TLX1: variants seen among roughly 807,000 people sequenced by gnomAD.
TLX1 encodes T-cell leukemia homeobox protein 1.
Under a neutral mutation model 26.5 loss-of-function variants are expected in TLX1, and 6 were observed. The ratio of observed to expected loss-of-function variants is 0.23; its 90% CI spans 0.12 to 0.45. TLX1 has a LOEUF of 0.45. Ranked by LOEUF, TLX1 falls within the 20% of genes least tolerant of loss-of-function variation. The probability of loss-of-function intolerance (pLI) is 0.99; values close to 1 mark genes in which losing one functional copy is unlikely to be tolerated. For synonymous variants in TLX1, 217 were observed against 219.7 expected, an observed-to-expected ratio of 0.99 and a Z score of 0.11; for missense variants, 418 against 482.6, an observed-to-expected ratio of 0.87 and a Z score of 1.25.
chr10:101,135,166 TCTGGCACGCTGCACCC>T, intron 2 of TLX1, among the ~76,000 whole-genome samples: 1 of 15,912 alleles, frequency 6.3e-5, no homozygotes, highest in South Asian at 3.0e-3. Flanking sequence ...GGCTGCACCC[TCTGGCACGCTGCACCC>T]TCTGGCACGC....
In TLX1 at chr10:101,137,016, G is replaced by A; in HGVS notation, c.*103G>A. ...CCTCCTGGCCTCAGACTGCACCCAG[G>A]AGGGGAACACTGCCCTCGCACGGCC... On this transcript the variant is annotated 3_prime_UTR_variant, in exon 3 of 3. Transcript: ENST00000370196. 1 of 1,440,950 alleles carries A rather than the reference G, an allele frequency of 6.9e-7. No homozygotes were observed. The highest frequency in any genetic ancestry group is 9.4e-7 in the Non-Finnish European group (1 of 1,069,366). 89.3% of individuals were successfully genotyped at this position (1,440,950 alleles called of 1,614,324 possible). A position where few individuals can be genotyped will look rare whatever the true frequency, so the allele number is the denominator to read the frequency against.
rs1940243028 is a variant in TLX1, at chr10:101,134,332, T to C, written c.726T>C (p.Asp242=). The change falls in exon 2 of 3, where the codon GAT becomes GAC. Residue 242 remains aspartate (D), a synonymous_variant. Coordinates refer to ENST00000370196, the MANE Select transcript of TLX1 (RefSeq NM_005521.4). ...TGGCCAAGGCGCTCAAAATGACCGA[T>C]GCGCAGGTCAAAACCTGGTTCCAGA... The part of the protein sequence containing the change: ...AALAKALKMT[D]AQVKTWFQNR... 2.5e-6 allele frequency: 4 copies of C among 1,609,994 alleles called. No individual in the cohort carries two copies. The highest frequency in any genetic ancestry group is 1.3e-5 in the African/African-American group (1 of 74,614).
At position 101,132,119 on chromosome 10, in the gene TLX1, G is replaced by A. The variant is rs777563757; in HGVS notation, c.568+10G>A. 3.0e-6 allele frequency: 4 copies of A among 1,349,974 alleles called. No individual in the cohort carries two copies. Among genetic ancestry groups the A allele is most frequent in the Non-Finnish European group, 1.9e-6 (2 of 1,051,570 alleles). The allele number at this position is 1,349,974 out of a possible 1,614,324, so 83.6% of individuals were successfully genotyped here. ...AAGGACAGGTTCACAGGTGAGTCCGGCCCGCGCGCTCCCCGCCTGGCCGCG... is the reference window on the plus strand; with the variant it reads ...AAGGACAGGTTCACAGGTGAGTCCGACCCGCGCGCTCCCCGCCTGGCCGCG... On this transcript the variant is annotated intron_variant, in intron 1 of 2. Transcript: ENST00000370196. The surrounding 1 kb of genome is among the most constrained non-coding windows in gnomAD (Gnocchi z 4.1).
Position 101,134,218 on chromosome 10 carries a change from G to A in TLX1, c.612G>A (p.Pro204=), listed in dbSNP as rs1178108091. Residue 204 remains proline (P), a synonymous_variant, in exon 2 of 3, where the codon CCG becomes CCA. Coordinates refer to ENST00000370196, the MANE Select transcript of TLX1 (RefSeq NM_005521.4). ...GGACGCCCCCCAAGAAGAAGAAGCCGCGCACGTCCTTCACACGCCTGCAGA... is the reference window on the plus strand; with the variant it reads ...GGACGCCCCCCAAGAAGAAGAAGCCACGCACGTCCTTCACACGCCTGCAGA... ...QNRTPPKKKK[P]RTSFTRLQIC... The A allele has an allele frequency of 6.2e-7, 1 of 1,610,672 alleles. No homozygotes were observed. Among genetic ancestry groups the A allele is most frequent in the Non-Finnish European group, 8.5e-7 (1 of 1,178,716 alleles).
At position 101,136,991 on chromosome 10, in the gene TLX1, C is replaced by A; in HGVS notation, c.*78C>A. The A allele has an allele frequency of 6.5e-7, 1 of 1,543,628 alleles. No individual in the cohort carries two copies. Among genetic ancestry groups the A allele is most frequent in the South Asian group, 1.2e-5 (1 of 84,032 alleles). ...CCTGAGACCCAGGACTCCTCCCCAC[C>A]CTCCTGGCCTCAGACTGCACCCAGG... On this transcript the variant is annotated 3_prime_UTR_variant, in exon 3 of 3. Coordinates refer to ENST00000370196, the MANE Select transcript of TLX1 (RefSeq NM_005521.4).
rs781495175 is a variant in TLX1, at chr10:101,136,796, C to T, written c.876C>T (p.Pro292=). 1.1e-5 allele frequency: 17 copies of T among 1,613,428 alleles called. No individual in the cohort carries two copies. Among genetic ancestry groups the T allele is most frequent in the Non-Finnish European group, 1.4e-5 (17 of 1,180,038 alleles). ...AFQKSLAQPL[P]ADPLCVHNSS... ...AGAAGAGCCTGGCACAGCCGCTGCC[C>T]GCTGACCCTCTGTGCGTGCACAACT... The change falls in exon 3 of 3, where the codon CCC becomes CCT. Residue 292 remains proline, a synonymous_variant. Coordinates refer to ENST00000370196, the MANE Select transcript of TLX1 (RefSeq NM_005521.4).
chr10:101,137,135 G>A lies in TLX1; in HGVS notation c.*222G>A, dbSNP rs1940314721. 3 of 597,708 alleles carry A rather than the reference G, an allele frequency of 5.0e-6. No individual in the cohort carries two copies. Among genetic ancestry groups the A allele is most frequent in the African/African-American group, 1.9e-5 (1 of 53,870 alleles). 37.0% of individuals were successfully genotyped at this position (597,708 alleles called of 1,614,324 possible). On this transcript the variant is annotated 3_prime_UTR_variant, in exon 3 of 3. Transcript: ENST00000370196. ...CGCGCCCCCCTCCCAGAGGCGTCCC[G>A]CACCTGTCTGAACTGTTAAGAAATC... is the stretch of plus-strand genomic sequence containing the variant.
At position 101,136,928 on chromosome 10, in the gene TLX1, C is replaced by A; in HGVS notation, c.*15C>A. ...CCTGCGAGTGAGCCTGCCCATTCTG[C>A]CCTGTGGGACCCCAGGCCCACTCAG... On this transcript the variant is annotated 3_prime_UTR_variant, in exon 3 of 3. Transcript: ENST00000370196. 6.2e-7 allele frequency: 1 copy of A among 1,611,840 alleles called. No homozygotes were observed. Among genetic ancestry groups the A allele is most frequent in the Non-Finnish European group, 8.5e-7 (1 of 1,178,792 alleles).
rs2134300798 is a variant in TLX1, at chr10:101,131,934, A to G, written c.393A>G (p.Val131=). 7.0e-7 allele frequency: 1 copy of G among 1,428,604 alleles called. No homozygotes were observed. The highest frequency in any genetic ancestry group is 9.1e-7 in the Non-Finnish European group (1 of 1,096,096). The allele number at this position is 1,428,604 out of a possible 1,614,324, so 88.5% of individuals were successfully genotyped here. The change falls in exon 1 of 3, where the codon GTA becomes GTG. Residue 131 remains valine, a synonymous_variant. Coordinates refer to ENST00000370196, the MANE Select transcript of TLX1 (RefSeq NM_005521.4). ...CCGGGGCACTCAGCGCTGCGGGGGTAATCCGGGTGCCGGCACACAGGCCGC... is the reference window on the plus strand; with the variant it reads ...CCGGGGCACTCAGCGCTGCGGGGGTGATCCGGGTGCCGGCACACAGGCCGC... The part of the protein sequence containing the change: ...GGAGALSAAG[V]IRVPAHRPLA...
At chr10:101,134,986 G>GCCAT (rs1224296924) in intron 2 of TLX1, among the ~76,000 whole-genome samples, 1 of 152,284 alleles carries the variant, frequency 6.6e-6, no homozygotes, top group Non-Finnish European at 1.5e-5. Flanking sequence ...ATTAGGAGCA[G>GCCAT]ATGGGTGTGT....
rs1222319798 is a variant in TLX1 at position 101,131,922 on chromosome 10, C to G, written c.381C>G (p.Ser127Arg). The G allele has an allele frequency of 7.1e-7, 1 of 1,410,658 alleles. No individual in the cohort carries two copies. The highest frequency in any genetic ancestry group is 9.2e-7 in the Non-Finnish European group (1 of 1,088,824). The allele number at this position is 1,410,658 out of a possible 1,614,324, so 87.4% of individuals were successfully genotyped here. A position where few individuals can be genotyped will look rare whatever the true frequency, so the allele number is the denominator to read the frequency against. Reference protein sequence around the residue: ...GGSSGGAGALSAAGVIRVPAH... With the variant: ...GGSSGGAGALRAAGVIRVPAH... ...GCAGCGGCGGTGCCGGGGCACTCAG[C>G]GCTGCGGGGGTAATCCGGGTGCCGG... Residue 127 changes from serine (S) to arginine (R), a missense_variant, in exon 1 of 3, where the codon AGC becomes AGG. Transcript: ENST00000370196.
Position 101,136,914 on chromosome 10 carries a change from G to C in TLX1, c.*1G>C. 1 of 1,613,348 alleles carries C rather than the reference G, an allele frequency of 6.2e-7. No individual in the cohort carries two copies. Among genetic ancestry groups the C allele is most frequent in the Non-Finnish European group, 8.5e-7 (1 of 1,179,868 alleles). ...GTCGGTGGCGTCGGCCTGCGAGTGAGCCTGCCCATTCTGCCCTGTGGGACC... is the reference window on the plus strand; with the variant it reads ...GTCGGTGGCGTCGGCCTGCGAGTGACCCTGCCCATTCTGCCCTGTGGGACC... On this transcript the variant is annotated 3_prime_UTR_variant, in exon 3 of 3. Coordinates refer to ENST00000370196, the MANE Select transcript of TLX1 (RefSeq NM_005521.4).
At chr10:101,133,489 C>CA (rs1185578469) in intron 1 of TLX1, among the ~76,000 whole-genome samples, 2 of 152,220 alleles carry the variant, frequency 1.3e-5, no homozygotes, top group Admixed American at 6.5e-5. Context: ...CCACCCAGGC[C>CA]AGGCCAGTCT....
In TLX1 at chr10:101,137,636, G is replaced by T; in HGVS notation, c.*723G>T. 1 of 233,710 alleles carries T rather than the reference G, an allele frequency of 4.3e-6. No homozygotes were observed. Among genetic ancestry groups the T allele is most frequent in the Non-Finnish European group, 8.5e-6 (1 of 118,110 alleles). The allele number at this position is 233,710 out of a possible 1,614,324, so 14.5% of individuals were successfully genotyped here. A position where few individuals can be genotyped will look rare whatever the true frequency, so the allele number is the denominator to read the frequency against. On this transcript the variant is annotated 3_prime_UTR_variant, in exon 3 of 3. Coordinates refer to ENST00000370196, the MANE Select transcript of TLX1 (RefSeq NM_005521.4). ...GCCCAATCCAGGTACGCACAGACAG[G>T]TTTTCACATAAATGCAGCCCATTTC...
rs1347287399 is a variant in TLX1 at position 101,136,994 on chromosome 10, C to T, written c.*81C>T. The T allele has an allele frequency of 5.2e-6, 8 of 1,543,660 alleles. No homozygotes were observed. The highest frequency in any genetic ancestry group is 1.8e-5 in the Admixed American group (1 of 54,864). On this transcript the variant is annotated 3_prime_UTR_variant, in exon 3 of 3. Coordinates refer to ENST00000370196, the MANE Select transcript of TLX1 (RefSeq NM_005521.4). ...GAGACCCAGGACTCCTCCCCACCCT[C>T]CTGGCCTCAGACTGCACCCAGGAGG...
chr10:101,134,898 G>A lies in TLX1; in HGVS notation c.770+522G>A, dbSNP rs566655405. The stretch of plus-strand genomic sequence containing the variant: ...CCAGACACCCGGCCTTTGCGCAGCC[G>A]GTCCCTACCCTGGAAGGAGAAAATC... On this transcript the variant is annotated intron_variant, in intron 2 of 2. Transcript: ENST00000370196. 2.0e-5 allele frequency among the ~76,000 whole-genome samples: 3 copies of A among 152,342 alleles called. No homozygotes were observed. The South Asian group carries it at 6.2e-4, about 32-fold the overall frequency.
Position 101,137,613 on chromosome 10 carries a change from C to G in TLX1, c.*700C>G. 4.3e-6 allele frequency: 1 copy of G among 234,424 alleles called. No individual in the cohort carries two copies. The highest frequency in any genetic ancestry group is 8.4e-6 in the Non-Finnish European group (1 of 118,682). 14.5% of individuals were successfully genotyped at this position (234,424 alleles called of 1,614,324 possible). Reference sequence around the variant, plus strand: ...CCAGGCCCCCACCACACATCCCAGCCCAATCCAGGTACGCACAGACAGGTT... The same window carrying G: ...CCAGGCCCCCACCACACATCCCAGCGCAATCCAGGTACGCACAGACAGGTT... On this transcript the variant is annotated 3_prime_UTR_variant, in exon 3 of 3. Coordinates refer to ENST00000370196, the MANE Select transcript of TLX1 (RefSeq NM_005521.4).
At position 101,137,057 on chromosome 10, in the gene TLX1, A is replaced by G. The variant is rs1175055666; in HGVS notation, c.*144A>G. On this transcript the variant is annotated 3_prime_UTR_variant, in exon 3 of 3. Coordinates refer to ENST00000370196, the MANE Select transcript of TLX1 (RefSeq NM_005521.4). The stretch of plus-strand genomic sequence containing the variant: ...TCGCACGGCCCCGAAGGGCCCCCAC[A>G]TTTGTGCCGACACTGTTCTCCCTTC... The G allele has an allele frequency of 4.6e-6, 5 of 1,076,950 alleles. No individual in the cohort carries two copies. Among genetic ancestry groups the G allele is most frequent in the South Asian group, 3.3e-5 (2 of 60,968 alleles). The allele number at this position is 1,076,950 out of a possible 1,614,324, so 66.7% of individuals were successfully genotyped here.
chr10:101,133,585 G>A (rs1011648679), intron 1 of TLX1, among the ~76,000 whole-genome samples: 1 of 152,238 alleles, frequency 6.6e-6, no homozygotes, highest in African/African-American at 2.4e-5. Context: ...CTACCGCGGG[G>A]CCCTAATACT....
Sources: allele counts gnomAD v4.1 joint callset (sites outside exome capture counted in the v4.1 genomes callset), GRCh38; gene constraint gnomAD v4.1.1; non-coding constraint Gnocchi (gnomAD v3.1); transcripts MANE v1.5; gene names NCBI Gene and HGNC (gene_info 2026-07-23, HGNC 2026-07-21).